Variants in PDIA4 observed in about 807,000 individuals in gnomAD.
The protein encoded by PDIA4 is protein disulfide-isomerase A4.
PDIA4 carries 33 observed loss-of-function variants against 62.1 expected under a neutral mutation model. The observed-to-expected ratio is 0.53, with a 90% confidence interval of 0.40 to 0.71. The LOEUF (loss-of-function observed/expected upper bound fraction) is 0.71, where lower values mean the gene tolerates loss of function less well. Ranked by LOEUF, PDIA4 falls within the 30% of genes least tolerant of loss-of-function variation. The pLI is 0.00. For missense variants in PDIA4, 804 were observed against 813.6 expected (o/e 0.99, Z 0.14); for synonymous variants, 341 against 324.1 (o/e 1.05, Z -0.56).
At chr7:149,004,481 A>T (rs572850477) in intron 9 of PDIA4, among the ~76,000 whole-genome samples, 1 of 152,214 alleles carries the variant, frequency 6.6e-6, no homozygotes, top group South Asian at 2.1e-4. Context: ...CAGGCAGAGG[A>T]GTTCCCGTAA....
In PDIA4 at chr7:149,020,976, T is replaced by C. The variant is rs778221391; in HGVS notation, c.260A>G (p.Tyr87Cys). The part of the protein sequence containing the change: ...ADKDTVLLEF[Y>C]APWCGHCKQF... ...AGAACGCGGTCCTTACCATGGAGCA[T>C]AAAACTCCAGCAGCACTGTGTCTTT... Residue 87 changes from tyrosine (Y) to cysteine (C), a missense_variant, in exon 2 of 10, where the codon TAT becomes TGT. By Grantham distance (194) the Tyr-to-Cys change is radical. Coordinates refer to ENST00000652332, the MANE Select transcript of PDIA4 (RefSeq NM_004911.5). 1 of 1,614,156 alleles carries C rather than the reference T, an allele frequency of 6.2e-7. No individual in the cohort carries two copies. The highest frequency in any genetic ancestry group is 1.1e-5 in the South Asian group (1 of 91,076).
rs1315152858 is a variant in PDIA4 at position 149,025,502 on chromosome 7, TAC to T, written c.88+2817_88+2818del. Among the ~76,000 whole-genome samples, 14 of 152,348 alleles carry T rather than the reference TAC, an allele frequency of 9.2e-5. No homozygotes were observed. The East Asian group carries it at 2.7e-3, about 29-fold the overall frequency. On this transcript the variant is annotated intron_variant, in intron 1 of 9. Coordinates refer to ENST00000652332, the MANE Select transcript of PDIA4 (RefSeq NM_004911.5). Reference sequence around the variant, plus strand: ...CATGATAGCTGGTATTTATTGTATGTACCAGGCACTGTGCTGGGCTCTTAAAC... The same window carrying T: ...CATGATAGCTGGTATTTATTGTATGTCAGGCACTGTGCTGGGCTCTTAAAC...
At chr7:149,021,658 G>A (rs1463882118) in intron 1 of PDIA4, among the ~76,000 whole-genome samples, 1 of 152,202 alleles carries the variant, frequency 6.6e-6, no homozygotes, top group African/African-American at 2.4e-5. Context: ...GGGAGGTCAT[G>A]GCTAAATAAT....
Position 149,003,904 on chromosome 7 carries a change from C to T in PDIA4, c.1828G>A (p.Asp610Asn), listed in dbSNP as rs531030582. The part of the protein sequence containing the change: ...FPTIYFAPSG[D>N]KKNPVKFEGG... ...TCAAATTTAACTGGGTTCTTTTTGT[C>T]CCCACTGGGGGCGAAGTAGATGGTG... The change falls in exon 10 of 10, where the codon GAC becomes AAC. Residue 610 changes from aspartate to asparagine, a missense_variant. Transcript: ENST00000652332. 8.1e-6 allele frequency: 13 copies of T among 1,612,928 alleles called. 1 individual carries two copies. Among genetic ancestry groups the T allele is most frequent in the Middle Eastern group, 3.3e-4 (2 of 6,052 alleles).
chr7:149,010,797 C>T (rs561134342), intron 6 of PDIA4, among the ~76,000 whole-genome samples: 1 of 152,288 alleles, frequency 6.6e-6, no homozygotes, highest in East Asian at 1.9e-4. Context: ...AGACTGACTC[C>T]TAGGAATGTG....
chr7:149,025,085 A>AAAAAAAAAAATATATAT, intron 1 of PDIA4, among the ~76,000 whole-genome samples: 1 of 22,362 alleles, frequency 4.5e-5, no homozygotes, highest in African/African-American at 6.0e-5. Flanking sequence ...AAAAAAAAAA[A>AAAAAAAAAAATATATAT]ATATATATAT....
intron 3 of PDIA4, among the ~76,000 whole-genome samples, chr7:149,017,639 T>A (rs944769782): frequency 9.4e-5 from 14 of 148,590 alleles, no homozygotes; most frequent in South Asian, 2.1e-4. Flanking sequence ...AAAATAAAAT[T>A]AAATACATTT....
At chr7:149,019,442 G>A (rs1824266101) in intron 2 of PDIA4, among the ~76,000 whole-genome samples, 3 of 152,148 alleles carry the variant, frequency 2.0e-5, no homozygotes, top group Admixed American at 6.5e-5. Flanking sequence ...TGACATGGCC[G>A]GGTGCAGTGG....
At chr7:149,018,559 G>C (rs1019154334) in intron 3 of PDIA4, among the ~76,000 whole-genome samples, 14 of 152,140 alleles carry the variant, frequency 9.2e-5, no homozygotes, top group Non-Finnish European at 2.1e-4. Context: ...AGCCTCCCAA[G>C]TAGCTGGGAT....
intron 1 of PDIA4, among the ~76,000 whole-genome samples, chr7:149,026,854 T>C: frequency 6.7e-6 from 1 of 149,900 alleles, no homozygotes; most frequent in Non-Finnish European, 1.5e-5. Context: ...CCCTTGGCCA[T>C]GATGACCCCT....
At chr7:149,026,012 C>A (rs111551080) in intron 1 of PDIA4, among the ~76,000 whole-genome samples, 8 of 151,972 alleles carry the variant, frequency 5.3e-5, no homozygotes, top group Admixed American at 3.9e-4. Context: ...TATTTAGTAA[C>A]CATGTTGGGG....
chr7:149,004,246 C>G (rs764571422), intron 9 of PDIA4, 37 bp from the exon 10 acceptor site: 5 of 1,576,154 alleles, frequency 3.2e-6, no homozygotes, highest in Non-Finnish European at 4.3e-6. Flanking sequence ...GGCGTCAGTG[C>G]TGCAAAGGCC....
Position 149,005,326 on chromosome 7 carries a change from G to A in PDIA4, c.1337C>T (p.Pro446Leu), listed in dbSNP as rs747349265. Residue 446 changes from proline to leucine, a missense_variant, in exon 9 of 10, where the codon CCT becomes CTT. Physicochemically the swap from Pro to Leu is moderately conservative, Grantham distance 98. Transcript: ENST00000652332. Reference sequence around the variant, plus strand: ...GTCCGCAATGGCAAAGGTGTACTCAGGGAAGTCCTTGGCCACCTCTAGGAC... The same window carrying A: ...GTCCGCAATGGCAAAGGTGTACTCAAGGAAGTCCTTGGCCACCTCTAGGAC... ...SKVLEVAKDF[P>L]EYTFAIADEE... 1.2e-6 allele frequency: 2 copies of A among 1,614,130 alleles called. No homozygotes were observed. Among genetic ancestry groups the A allele is most frequent in the East Asian group, 2.2e-5 (1 of 44,874 alleles).
chr7:149,027,293 C>T (rs1824590815), intron 1 of PDIA4, among the ~76,000 whole-genome samples: 1 of 152,188 alleles, frequency 6.6e-6, no homozygotes, highest in African/African-American at 2.4e-5. Context: ...TTCCTTTCGG[C>T]AGGTGTTTTT....
At chr7:149,021,552 G>A (rs764232301) in intron 1 of PDIA4, among the ~76,000 whole-genome samples, 7 of 149,474 alleles carry the variant, frequency 4.7e-5, no homozygotes, top group East Asian at 2.0e-4. Flanking sequence ...GTCAAGTCCC[G>A]GGTGGTCCCT....
chr7:149,003,860 C>CAG lies in PDIA4; in HGVS notation c.1870_1871dup (p.Glu625TrpfsTer4). The CAG allele has an allele frequency of 6.2e-7, 1 of 1,609,206 alleles. No homozygotes were observed. The highest frequency in any genetic ancestry group is 8.5e-7 in the Non-Finnish European group (1 of 1,178,278). ...CTTCTATAAACTTGCTCAAATGCTCCAGATCTCTGTCTCCACCCTCAAATT... is the reference window on the plus strand; with the variant it reads ...CTTCTATAAACTTGCTCAAATGCTCCAGAGATCTCTGTCTCCACCCTCAAATT... On this transcript the variant is annotated frameshift_variant, in exon 10 of 10. Transcript: ENST00000652332. LOFTEE classifies it high-confidence loss of function.
intron 3 of PDIA4, among the ~76,000 whole-genome samples, chr7:149,018,392 C>T (rs1039811235): frequency 1.3e-5 from 2 of 152,222 alleles, no homozygotes; most frequent in Non-Finnish European, 2.9e-5. Context: ...CTCTAGACCA[C>T]CACCAAGACC....
chr7:149,017,401 T>C (rs1277584354), intron 3 of PDIA4, among the ~76,000 whole-genome samples: 2 of 152,084 alleles, frequency 1.3e-5, no homozygotes, highest in Non-Finnish European at 2.9e-5. Flanking sequence ...CTGACCAACA[T>C]GGAGAAACCC....
intron 6 of PDIA4, among the ~76,000 whole-genome samples, chr7:149,009,324 A>G (rs1249470759): frequency 6.6e-6 from 1 of 152,212 alleles, no homozygotes; most frequent in Non-Finnish European, 1.5e-5. Context: ...AAAACCCCGG[A>G]AAAGTTCACA....
Sources: gnomAD v4.1 joint callset for allele counts (sites outside exome capture counted in the v4.1 genomes callset) on GRCh38, gnomAD v4.1.1 for gene constraint, MANE v1.5 for transcripts, NCBI Gene and HGNC (gene_info 2026-07-23, HGNC 2026-07-21) for gene names.